IMMP2L: variants seen among roughly 807,000 people sequenced by gnomAD.
IMMP2L encodes the protein mitochondrial inner membrane protease subunit 2.
IMMP2L carries 18 observed loss-of-function variants against 19.3 expected under a neutral mutation model. The observed-to-expected ratio is 0.93, with a 90% CI of 0.64 to 1.38. The LOEUF (loss-of-function observed/expected upper bound fraction) is 1.38, where lower values mean the gene tolerates loss of function less well. IMMP2L is among the 40% of genes most tolerant of loss of function. IMMP2L has a pLI of 0.00. For missense variants in IMMP2L, 233 were observed against 218.2 expected, an observed-to-expected ratio of 1.07 and a Z score of -0.43; for synonymous variants, 76 against 73.0, an observed-to-expected ratio of 1.04 and a Z score of -0.21.
chr7:111,056,955 T>G (rs1793565568), intron 3 of IMMP2L, among the ~76,000 whole-genome samples: 1 of 152,176 alleles, frequency 6.6e-6, no homozygotes, highest in South Asian at 2.1e-4. Flanking sequence ...AAGGGTCAAC[T>G]GTATACAAGT....
rs541745054 is a variant in IMMP2L, at chr7:110,905,167, T to TA, written c.306-18473dup. ...AAATGATCAACCTGACCATAATATG[T>TA]AAAAAATAACAAGTTTTTGGGTCAA... is the stretch of plus-strand genomic sequence containing the variant. On this transcript the variant is annotated intron_variant, in intron 4 of 5. Transcript: ENST00000405709. 4.9e-3 allele frequency among the ~76,000 whole-genome samples: 750 copies of TA among 152,260 alleles called. 8 individuals are homozygous for TA. Among genetic ancestry groups the TA allele is most frequent in the African/African-American group, 0.017 (694 of 41,558 alleles).
intron 3 of IMMP2L, among the ~76,000 whole-genome samples, chr7:111,256,484 A>G (rs1281245913): frequency 6.6e-6 from 1 of 152,088 alleles, no homozygotes; most frequent in Non-Finnish European, 1.5e-5. Context: ...AATGAATAGA[A>G]TATGTCAGTG....
chr7:110,950,541 A>G (rs2129554102), intron 4 of IMMP2L, among the ~76,000 whole-genome samples: 1 of 152,116 alleles, frequency 6.6e-6, no homozygotes, highest in South Asian at 2.1e-4. Flanking sequence ...TAAAAATAGA[A>G]CTACCATATA....
At chr7:110,854,348 A>T (rs1806536229) in intron 5 of IMMP2L, among the ~76,000 whole-genome samples, 1 of 151,958 alleles carries the variant, frequency 6.6e-6, no homozygotes, top group South Asian at 2.1e-4. Context: ...ATCCTATGGA[A>T]TGGTAATAGT....
At chr7:110,682,886 G>A (rs933641010) in intron 5 of IMMP2L, among the ~76,000 whole-genome samples, 4 of 152,150 alleles carry the variant, frequency 2.6e-5, no homozygotes, top group East Asian at 1.9e-4. Flanking sequence ...ACAGCATTTC[G>A]GAGGCAATGC....
intron 3 of IMMP2L, among the ~76,000 whole-genome samples, chr7:111,108,881 A>T (rs1798852302): frequency 1.3e-5 from 2 of 152,302 alleles, no homozygotes; most frequent in South Asian, 4.1e-4. Flanking sequence ...ATATTCATTC[A>T]TTCATTCAGT....
At chr7:111,309,280 G>A (rs980616366) in intron 3 of IMMP2L, among the ~76,000 whole-genome samples, 5 of 152,116 alleles carry the variant, frequency 3.3e-5, no homozygotes, top group African/African-American at 1.2e-4. Flanking sequence ...AGAATTCTAT[G>A]CCAGGCAATT....
chr7:111,390,449 A>C (rs1256703696), intron 3 of IMMP2L: 1 of 152,158 alleles, frequency 6.6e-6, no homozygotes, highest in Non-Finnish European at 1.5e-5. Context: ...TGACTTGACA[A>C]AACATAGCTT....
At chr7:111,220,901 G>A (rs1030380730) in intron 3 of IMMP2L, among the ~76,000 whole-genome samples, 4 of 151,978 alleles carry the variant, frequency 2.6e-5, no homozygotes, top group African/African-American at 9.7e-5. Flanking sequence ...AATGAACTCA[G>A]CTTTCCTCCA....
chr7:111,145,731 T>C (rs1470179952), intron 3 of IMMP2L, among the ~76,000 whole-genome samples: 1 of 152,058 alleles, frequency 6.6e-6, no homozygotes, highest in Non-Finnish European at 1.5e-5. Flanking sequence ...AAGGGACTAT[T>C]AGAATCATGA....
At chr7:111,332,366 C>T (rs1279392224) in intron 3 of IMMP2L, among the ~76,000 whole-genome samples, 1 of 151,820 alleles carries the variant, frequency 6.6e-6, no homozygotes, top group African/African-American at 2.4e-5. Context: ...ATTGTGCAGG[C>T]ACTTAACCTA....
chr7:111,394,369 A>G (rs1249289124), intron 3 of IMMP2L, among the ~76,000 whole-genome samples: 1 of 152,186 alleles, frequency 6.6e-6, no homozygotes, highest in Non-Finnish European at 1.5e-5. Flanking sequence ...CAACATCATC[A>G]ACATCATCAT....
chr7:111,102,999 G>A (rs1798144681), intron 3 of IMMP2L, among the ~76,000 whole-genome samples: 1 of 151,454 alleles, frequency 6.6e-6, no homozygotes, highest in African/African-American at 2.4e-5. Context: ...AAAAATTGCT[G>A]ACAATAACAT....
intron 5 of IMMP2L, among the ~76,000 whole-genome samples, chr7:110,845,747 GTTCCCCCAAAA>G (rs1733190508): frequency 6.6e-6 from 1 of 152,018 alleles, no homozygotes. Context: ...AAGTGTTTGT[GTTCCCCCAAAA>G]TTCATATGAT....
intron 2 of IMMP2L, among the ~76,000 whole-genome samples, chr7:111,506,253 A>C (rs1237917824): frequency 6.6e-6 from 1 of 151,534 alleles, no homozygotes; most frequent in African/African-American, 2.4e-5. Context: ...TTAAAAAGAA[A>C]TGCTCCTTCA....
chr7:111,139,048 G>A (rs1014205592), intron 3 of IMMP2L, among the ~76,000 whole-genome samples: 4 of 151,696 alleles, frequency 2.6e-5, no homozygotes, highest in Admixed American at 6.6e-5. Flanking sequence ...TTTAAGATTC[G>A]ATTTGGCTAT....
intron 3 of IMMP2L, among the ~76,000 whole-genome samples, chr7:111,176,640 G>A (rs1475523107): frequency 6.6e-6 from 1 of 152,028 alleles, no homozygotes; most frequent in African/African-American, 2.4e-5. Flanking sequence ...AATGGAAGCT[G>A]TGAGTGTGAG....
intron 4 of IMMP2L, among the ~76,000 whole-genome samples, chr7:110,944,807 C>T (rs1469546676): frequency 5.9e-5 from 9 of 151,792 alleles, no homozygotes; most frequent in Admixed American, 2.0e-4. Flanking sequence ...TATGTGTGTA[C>T]ATATAGATCC....
intron 3 of IMMP2L, among the ~76,000 whole-genome samples, chr7:111,255,201 T>C (rs1236122746): frequency 6.6e-6 from 1 of 152,060 alleles, no homozygotes. Flanking sequence ...CAAATATCTC[T>C]TCTAAGAATG....
Sources: allele counts gnomAD v4.1 joint callset (sites outside exome capture counted in the v4.1 genomes callset), GRCh38; gene constraint gnomAD v4.1.1; transcripts MANE v1.5; gene names NCBI Gene and HGNC (gene_info 2026-07-23, HGNC 2026-07-21).